Variants in CPD observed in about 807,000 individuals in gnomAD.
CPD encodes carboxypeptidase D.
CPD carries 69 observed loss-of-function variants against 138.3 expected under a neutral mutation model. That is an observed-to-expected ratio of 0.50 (90% CI 0.41 to 0.61). The LOEUF is 0.61. Ranked by LOEUF, CPD falls within the 20% of genes least tolerant of loss-of-function variation. CPD has a pLI of 0.00. For synonymous variants in CPD, 651 were observed against 642.1 expected (o/e 1.01, Z -0.21); for missense variants, 1,432 against 1,733.3 (o/e 0.83, Z 3.09).
intron 8 of CPD, among the ~76,000 whole-genome samples, chr17:30,436,560 C>A (rs1912707425): frequency 6.6e-6 from 1 of 152,138 alleles, no homozygotes; most frequent in Non-Finnish European, 1.5e-5. Flanking sequence ...CAAGTCAATA[C>A]CACAATGAGA....
chr17:30,401,318 CTCCTCTTCTTCCTCT>C (rs1307063438), intron 2 of CPD, among the ~76,000 whole-genome samples: 2 of 150,256 alleles, frequency 1.3e-5, no homozygotes, highest in Non-Finnish European at 3.0e-5. Flanking sequence ...CTTCCTCTTC[CTCCTCTTCTTCCTCT>C]TCCTCTTCTT....
rs1180869886 is a variant in CPD, at chr17:30,379,245, G to A, written c.265G>A (p.Val89Met). Residue 89 changes from valine to methionine, a missense_variant, in exon 1 of 21, where the codon GTG (valine) becomes ATG (methionine). Val to Met is a conservative substitution (Grantham distance 21, BLOSUM62 1). Coordinates refer to ENST00000225719, the MANE Select transcript of CPD (RefSeq NM_001304.5). This position sits in a 1 kb window ranked among gnomAD's most constrained non-coding sequence, Gnocchi z 7.0. Reference sequence around the variant, plus strand: ...CCGCCTCTTTAGCATCGGCCGCTCGGTGGAAGGCCGGCCGCTGTGGGTGCT... The same window carrying A: ...CCGCCTCTTTAGCATCGGCCGCTCGATGGAAGGCCGGCCGCTGTGGGTGCT... ...LARLFSIGRS[V>M]EGRPLWVLRL... is the part of the protein sequence containing the mutation. 3.3e-6 allele frequency: 5 copies of A among 1,518,376 alleles called. No individual in the cohort carries two copies. The highest frequency in any genetic ancestry group is 3.5e-6 in the Non-Finnish European group (4 of 1,139,152). 94.1% of individuals were successfully genotyped at this position (1,518,376 alleles called of 1,614,324 possible). A position where few individuals can be genotyped will look rare whatever the true frequency, so the allele number is the denominator to read the frequency against.
intron 17 of CPD, among the ~76,000 whole-genome samples, chr17:30,458,595 G>A (rs751334449): frequency 1.6e-4 from 25 of 152,046 alleles, no homozygotes; most frequent in Admixed American, 3.3e-4. Context: ...GGCTTGGCAC[G>A]GTGGCTCAGG....
intron 6 of CPD, among the ~76,000 whole-genome samples, chr17:30,424,547 C>G (rs1172110980): frequency 6.6e-6 from 1 of 152,172 alleles, no homozygotes; most frequent in Non-Finnish European, 1.5e-5. Flanking sequence ...GTTTACAGTT[C>G]TTATTAAATC....
intron 5 of CPD, 121 bp downstream of exon 5, chr17:30,423,144 C>A: frequency 1.4e-6 from 1 of 733,880 alleles, no homozygotes; most frequent in Non-Finnish European, 2.1e-6. Context: ...GAAAACCTAA[C>A]TAAAATTAAA....
chr17:30,446,115 G>T, intron 12 of CPD, 95 bp downstream of exon 12: 1 of 892,658 alleles, frequency 1.1e-6, no homozygotes, highest in Non-Finnish European at 1.7e-6. Context: ...AGAAATATTT[G>T]GGAACAGAAT....
chr17:30,403,982 A>G (rs1340870636), intron 2 of CPD, among the ~76,000 whole-genome samples: 1 of 152,216 alleles, frequency 6.6e-6, no homozygotes, highest in Non-Finnish European at 1.5e-5. Context: ...CAAAAGCATT[A>G]TGCTAAGTGA....
intron 17 of CPD, among the ~76,000 whole-genome samples, chr17:30,458,125 CAG>C (rs1387153828): frequency 6.6e-6 from 1 of 151,880 alleles, no homozygotes; most frequent in African/African-American, 2.4e-5. Flanking sequence ...ACTTGGGAAG[CAG>C]AGGTTTCAGT....
At chr17:30,390,508 G>A (rs976376696) in intron 2 of CPD, among the ~76,000 whole-genome samples, 3 of 152,166 alleles carry the variant, frequency 2.0e-5, no homozygotes, top group Non-Finnish European at 4.4e-5. Flanking sequence ...AGTTCCTGCC[G>A]TGCCACATAT....
At chr17:30,422,278 G>A (rs1462560728) in intron 4 of CPD, among the ~76,000 whole-genome samples, 2 of 152,140 alleles carry the variant, frequency 1.3e-5, no homozygotes, top group African/African-American at 4.8e-5. Context: ...CTTTAATCTT[G>A]AGCTTTCCTA....
At chr17:30,435,952 G>A (rs1486070517) in intron 8 of CPD, among the ~76,000 whole-genome samples, 2 of 152,004 alleles carry the variant, frequency 1.3e-5, no homozygotes, top group East Asian at 1.9e-4. Context: ...CTCTGTCTTC[G>A]TATCCCAGTT....
chr17:30,430,248 T>C (rs776952772), intron 7 of CPD, among the ~76,000 whole-genome samples: 6 of 152,124 alleles, frequency 3.9e-5, no homozygotes, highest in Non-Finnish European at 7.4e-5. Context: ...CATTTTTATC[T>C]CCGCAAAAGG....
chr17:30,391,030 A>G (rs927137669), intron 2 of CPD, among the ~76,000 whole-genome samples: 11 of 151,566 alleles, frequency 7.3e-5, no homozygotes, highest in Non-Finnish European at 1.6e-4. Flanking sequence ...GGGTTTTACC[A>G]TGTTGGTCAA....
At chr17:30,401,433 T>C (rs1468234323) in intron 2 of CPD, among the ~76,000 whole-genome samples, 1 of 146,902 alleles carries the variant, frequency 6.8e-6, no homozygotes, top group East Asian at 2.5e-4. Flanking sequence ...CTCTTCCTCT[T>C]CTTCTTCCTC....
At chr17:30,409,313 A>T (rs1053045861) in intron 2 of CPD, among the ~76,000 whole-genome samples, 1 of 152,242 alleles carries the variant, frequency 6.6e-6, no homozygotes, top group African/African-American at 2.4e-5. Flanking sequence ...TTGGTCTAAA[A>T]TTCTCTTTTT....
In CPD at chr17:30,421,770, G is replaced by C. The variant is rs148993764; in HGVS notation, c.1244G>C (p.Arg415Thr). The C allele has an allele frequency of 9.3e-4, 1,503 of 1,613,688 alleles. No homozygotes were observed. The highest frequency in any genetic ancestry group is 1.2e-3 in the Non-Finnish European group (1,388 of 1,179,674). ...ATTAATCATAATATCACAACAGGCAGATTTGGTGATTTCTACCGATTACTT... is the reference window on the plus strand; with the variant it reads ...ATTAATCATAATATCACAACAGGCACATTTGGTGATTTCTACCGATTACTT... ...AGINHNITTG[R>T]FGDFYRLLVP... is the part of the protein sequence containing the mutation. The change falls in exon 4 of 21, where the codon AGA becomes ACA. Residue 415 changes from arginine to threonine, a missense_variant. Arg to Thr is a moderately conservative substitution (Grantham distance 71). Coordinates refer to ENST00000225719, the MANE Select transcript of CPD (RefSeq NM_001304.5).
In CPD at chr17:30,446,038, T is replaced by G. The variant is rs767910903; in HGVS notation, c.2873+18T>G. On this transcript the variant is annotated intron_variant, in intron 12 of 20. Coordinates refer to ENST00000225719, the MANE Select transcript of CPD (RefSeq NM_001304.5). ...CTTACCAAGTAAGTGTCACTTTCTATTGTCTTTTTTTTTTTTTCAAGACAG... is the reference window on the plus strand; with the variant it reads ...CTTACCAAGTAAGTGTCACTTTCTAGTGTCTTTTTTTTTTTTTCAAGACAG... 1 of 1,542,252 alleles carries G rather than the reference T, an allele frequency of 6.5e-7. No homozygotes were observed. The highest frequency in any genetic ancestry group is 8.8e-7 in the Non-Finnish European group (1 of 1,141,436).
chr17:30,446,490 A>G (rs1168228900), intron 12 of CPD, among the ~76,000 whole-genome samples: 1 of 152,146 alleles, frequency 6.6e-6, no homozygotes, highest in African/African-American at 2.4e-5. Context: ...CCATGTCCCT[A>G]CAAAGGACAT....
At chr17:30,391,793 T>TA (rs1470236231) in intron 2 of CPD, among the ~76,000 whole-genome samples, 5 of 152,186 alleles carry the variant, frequency 3.3e-5, no homozygotes, top group Non-Finnish European at 7.3e-5. Context: ...AGAATGTGTG[T>TA]AAAGCACTTT....
Sources: gnomAD v4.1 joint callset for allele counts (sites outside exome capture counted in the v4.1 genomes callset) on GRCh38, gnomAD v4.1.1 for gene constraint, Gnocchi (gnomAD v3.1) non-coding constraint, MANE v1.5 for transcripts, NCBI Gene and HGNC (gene_info 2026-07-23, HGNC 2026-07-21) for gene names.